Variants in ANKS1B observed in about 807,000 individuals in gnomAD.
ANKS1B encodes ankyrin repeat and sterile alpha motif domain containing 1B, also known as ankyrin repeat and sterile alpha motif domain-containing protein 1B.
A neutral mutation model predicts 148.3 loss-of-function variants in ANKS1B; 36 were observed. The observed-to-expected ratio is 0.24, with a 90% CI of 0.19 to 0.32. ANKS1B has a LOEUF of 0.32. Among genes scored for constraint, ANKS1B ranks in the 10% least tolerant of loss-of-function variants. The pLI, the probability that ANKS1B is intolerant of heterozygous loss-of-function variation, is 1.00. For synonymous variants in ANKS1B, 542 were observed against 560.8 expected (o/e 0.97, Z 0.47); for missense variants, 1,157 against 1,542.6 (o/e 0.75, Z 4.19).
intron 9 of ANKS1B, among the ~76,000 whole-genome samples, chr12:99,619,284 C>T (rs2098014736): frequency 6.6e-6 from 1 of 151,146 alleles, no homozygotes; most frequent in Non-Finnish European, 1.5e-5. Flanking sequence ...CCTCACTCAC[C>T]TGAATCAGCA....
chr12:99,177,813 T>A (rs566663984), intron 14 of ANKS1B, among the ~76,000 whole-genome samples: 1 of 152,352 alleles, frequency 6.6e-6, no homozygotes, highest in East Asian at 1.9e-4. Context: ...TTACTAAATT[T>A]TTTTTTCACT....
rs564952420 is a variant in ANKS1B at position 99,183,784 on chromosome 12, G to A, written c.2420-29389C>T. On this transcript the variant is annotated intron_variant, in intron 14 of 26. Transcript: ENST00000683438. ...ATTTTCCTCATGAATCTCCAATAAG[G>A]GTTATACGGCATTGATGTTTCCTGA... 3.3e-5 allele frequency among the ~76,000 whole-genome samples: 5 copies of A among 152,196 alleles called. No individual in the cohort carries two copies. The East Asian group carries it at 9.6e-4, about 29-fold the overall frequency.
intron 9 of ANKS1B, among the ~76,000 whole-genome samples, chr12:99,528,112 A>G (rs1328267009): frequency 2.0e-5 from 3 of 152,174 alleles, no homozygotes; most frequent in Non-Finnish European, 4.4e-5. Flanking sequence ...GACAAAAACA[A>G]GCAACGGGAA....
intron 8 of ANKS1B, among the ~76,000 whole-genome samples, chr12:99,702,940 G>T (rs2055108934): frequency 6.6e-6 from 1 of 151,872 alleles, no homozygotes; most frequent in Admixed American, 6.6e-5. Flanking sequence ...ACTTTCATTT[G>T]ATTTTTGCAC....
At chr12:99,420,587 A>G (rs532375795) in intron 11 of ANKS1B, among the ~76,000 whole-genome samples, 17 of 152,030 alleles carry the variant, frequency 1.1e-4, no homozygotes, top group African/African-American at 3.9e-4. Context: ...CTATTTTTCT[A>G]AAACAGTTAT....
At chr12:98,863,103 T>A (rs963135752) in intron 17 of ANKS1B, among the ~76,000 whole-genome samples, 1 of 152,224 alleles carries the variant, frequency 6.6e-6, no homozygotes, top group African/African-American at 2.4e-5. Context: ...GATACCTTTA[T>A]CACAAAGACA....
Position 99,745,363 on chromosome 12 carries a change from T to A in ANKS1B, c.1128+27559A>T, listed in dbSNP as rs181289214. On this transcript the variant is annotated intron_variant, in intron 8 of 26. Transcript: ENST00000683438. Reference sequence around the variant, plus strand: ...GGGCAAATTTGTCTCAAGCTCATCTTCATCAGATTTCAGCTTACAGTATCC... The same window carrying A: ...GGGCAAATTTGTCTCAAGCTCATCTACATCAGATTTCAGCTTACAGTATCC... Among the ~76,000 whole-genome samples the A allele has an allele frequency of 4.3e-3, 651 of 152,326 alleles. 5 individuals carry two copies. The highest frequency in any genetic ancestry group is 0.014 in the African/African-American group (596 of 41,582).
intron 11 of ANKS1B, among the ~76,000 whole-genome samples, chr12:99,407,373 G>A (rs2094556620): frequency 6.9e-6 from 1 of 145,380 alleles, no homozygotes; most frequent in Admixed American, 6.8e-5. Context: ...AACAGACCTC[G>A]AATAGTAAAA....
chr12:99,319,301 G>A (rs752143796), intron 12 of ANKS1B, among the ~76,000 whole-genome samples: 2 of 152,136 alleles, frequency 1.3e-5, no homozygotes, highest in Non-Finnish European at 2.9e-5. Context: ...TTGTGTAGGA[G>A]TCTAAGTCTC....
intron 4 of ANKS1B, among the ~76,000 whole-genome samples, chr12:99,805,282 A>AAAAAAAAAAAAAAAAAC (rs2067485564): frequency 6.7e-6 from 1 of 148,302 alleles, no homozygotes; most frequent in Non-Finnish European, 1.5e-5. Flanking sequence ...AAAAAAAAAA[A>AAAAAAAAAAAAAAAAAC]AAAAAAGACT....
In ANKS1B at chr12:99,003,880, GA is replaced by G. The variant is rs199930578; in HGVS notation, c.2778+49276del. On this transcript the variant is annotated intron_variant, in intron 17 of 26. Coordinates refer to ENST00000683438, the MANE Select transcript of ANKS1B (RefSeq NM_001352186.2). ...CCTTCCATTATAGAGGCTTGTACAAGAAAAAAAACCCTACATTTTACTTTCC... is the reference window on the plus strand; with the variant it reads ...CCTTCCATTATAGAGGCTTGTACAAGAAAAAAACCCTACATTTTACTTTCC... 2.8e-3 allele frequency among the ~76,000 whole-genome samples: 425 copies of G among 152,040 alleles called. 1 individual carries two copies. The highest frequency in any genetic ancestry group is 9.7e-3 in the African/African-American group (401 of 41,486).
At chr12:98,999,555 C>G (rs892417948) in intron 17 of ANKS1B, among the ~76,000 whole-genome samples, 1 of 152,156 alleles carries the variant, frequency 6.6e-6, no homozygotes, top group African/African-American at 2.4e-5. Flanking sequence ...AAATACCAAA[C>G]TTTAGTAAAC....
chr12:99,508,625 T>C (rs569404335), intron 9 of ANKS1B, among the ~76,000 whole-genome samples: 2 of 151,974 alleles, frequency 1.3e-5, no homozygotes, highest in Non-Finnish European at 2.9e-5. Flanking sequence ...TGGGTCCCAA[T>C]ATATACCTGG....
At chr12:99,163,065 A>T (rs2076840775) in intron 14 of ANKS1B, among the ~76,000 whole-genome samples, 1 of 152,180 alleles carries the variant, frequency 6.6e-6, no homozygotes, top group Non-Finnish European at 1.5e-5. Context: ...CAAAAAAAAA[A>T]AAAATTCTAC....
At chr12:99,130,999 A>G (rs2065934944) in intron 15 of ANKS1B, among the ~76,000 whole-genome samples, 2 of 152,296 alleles carry the variant, frequency 1.3e-5, no homozygotes, top group South Asian at 4.1e-4. Flanking sequence ...CTTCTATGAC[A>G]CGCCACAGCA....
chr12:98,809,228 A>G (rs1159570479), intron 19 of ANKS1B, among the ~76,000 whole-genome samples: 3 of 152,142 alleles, frequency 2.0e-5, no homozygotes, highest in Non-Finnish European at 4.4e-5. Flanking sequence ...TCTAAACTTC[A>G]TGCTATTTTA....
At chr12:98,881,195 AATT>A in intron 17 of ANKS1B, among the ~76,000 whole-genome samples, 1 of 152,274 alleles carries the variant, frequency 6.6e-6, no homozygotes, top group Non-Finnish European at 1.5e-5. Context: ...AGTATAAATA[AATT>A]ATTGTTAAAC....
chr12:98,989,963 T>TA (rs902311623), intron 17 of ANKS1B, among the ~76,000 whole-genome samples: 16 of 93,492 alleles, frequency 1.7e-4, no homozygotes, highest in African/African-American at 2.5e-4. Flanking sequence ...GGAAAGAAAA[T>TA]AAAAAAAAGA....
intron 17 of ANKS1B, among the ~76,000 whole-genome samples, chr12:98,885,045 C>A (rs1252622442): frequency 6.6e-6 from 1 of 152,126 alleles, no homozygotes; most frequent in Non-Finnish European, 1.5e-5. Flanking sequence ...ATTTAGAAGT[C>A]ATTCATAACT....
Sources: allele counts gnomAD v4.1 joint callset (sites outside exome capture counted in the v4.1 genomes callset), GRCh38; gene constraint gnomAD v4.1.1; transcripts MANE v1.5; gene names NCBI Gene and HGNC (gene_info 2026-07-23, HGNC 2026-07-21).